Variants in CAPN13 observed in about 807,000 individuals in gnomAD.
The protein encoded by CAPN13 is calpain 13.
CAPN13 carries 90 observed loss-of-function variants against 98.4 expected under a neutral mutation model. The observed-to-expected ratio is 0.92, with a 90% CI of 0.77 to 1.09. The LOEUF (loss-of-function observed/expected upper bound fraction) is 1.09. Ranked by LOEUF, CAPN13 falls within the 50% of genes least tolerant of loss-of-function variation. The pLI, the probability that CAPN13 is intolerant of heterozygous loss-of-function variation, is 0.00. For synonymous variants in CAPN13, 330 were observed against 305.5 expected, an observed-to-expected ratio of 1.08 and a Z score of -0.84; for missense variants, 887 against 841.3, an observed-to-expected ratio of 1.05 and a Z score of -0.67.
At chr2:30,754,797 T>C (rs1404035375) in intron 8 of CAPN13, among the ~76,000 whole-genome samples, 1 of 152,180 alleles carries the variant, frequency 6.6e-6, no homozygotes, top group Non-Finnish European at 1.5e-5. Context: ...CTTACTTCCA[T>C]CCTTCCTGCT....
chr2:30,804,725 C>T (rs1349058789), intron 1 of CAPN13, among the ~76,000 whole-genome samples: 5 of 152,152 alleles, frequency 3.3e-5, no homozygotes, highest in African/African-American at 7.2e-5. Flanking sequence ...TTTGCATGGC[C>T]GTGGACTTCC....
Position 30,751,110 on chromosome 2 carries a change from A to G in CAPN13, c.1229T>C (p.Val410Ala). 1 of 1,613,640 alleles carries G rather than the reference A, an allele frequency of 6.2e-7. No homozygotes were observed. Reference protein sequence around the residue: ...EDAKFPLDFQVILAGSQRFRE... With the variant: ...EDAKFPLDFQAILAGSQRFRE... ...TGAAGCAGGCTGCCTTACCAGAATCACTTGGAAATCGAGTGGAAATTTTGC... is the reference window on the plus strand; with the variant it reads ...TGAAGCAGGCTGCCTTACCAGAATCGCTTGGAAATCGAGTGGAAATTTTGC... The change falls in exon 11 of 23, where the codon GTG becomes GCG. Residue 410 changes from valine to alanine, a missense_variant. Transcript: ENST00000295055.
chr2:30,739,556 T>C (rs1671549554), intron 15 of CAPN13, among the ~76,000 whole-genome samples: 1 of 152,114 alleles, frequency 6.6e-6, no homozygotes, highest in African/African-American at 2.4e-5. Flanking sequence ...CTGGGTTTTA[T>C]CAGGAAAGTT....
At chr2:30,768,789 T>C (rs1038273648) in intron 5 of CAPN13, among the ~76,000 whole-genome samples, 3 of 152,116 alleles carry the variant, frequency 2.0e-5, no homozygotes, top group African/African-American at 7.2e-5. Context: ...GTATGCGTTC[T>C]TGTGAAATGA....
At chr2:30,768,104 C>T (rs375592166) in intron 5 of CAPN13, among the ~76,000 whole-genome samples, 2 of 152,208 alleles carry the variant, frequency 1.3e-5, no homozygotes, top group East Asian at 3.9e-4. Flanking sequence ...CTTCCCTTGC[C>T]CCTTCACGGT....
At chr2:30,789,558 GC>G (rs1461754080) in intron 1 of CAPN13, among the ~76,000 whole-genome samples, 2 of 152,148 alleles carry the variant, frequency 1.3e-5, no homozygotes, top group African/African-American at 4.8e-5. Flanking sequence ...CATCTGGGGG[GC>G]CCCCACTGTG....
At chr2:30,806,921 C>T (rs1396785389) in intron 1 of CAPN13, among the ~76,000 whole-genome samples, 3 of 152,206 alleles carry the variant, frequency 2.0e-5, no homozygotes, top group Non-Finnish European at 4.4e-5. Context: ...AGAAACTACA[C>T]ATCAGTGCAC....
At chr2:30,793,040 G>A (rs1674681245) in intron 1 of CAPN13, among the ~76,000 whole-genome samples, 1 of 151,786 alleles carries the variant, frequency 6.6e-6, no homozygotes, top group South Asian at 2.1e-4. Context: ...AAAATTTACA[G>A]CTAACATAAT....
At chr2:30,734,313 T>C in intron 19 of CAPN13, 136 bp downstream of exon 19, 2 of 675,658 alleles carry the variant, frequency 3.0e-6, no homozygotes, top group Non-Finnish European at 5.3e-6. Flanking sequence ...CAGTGTGAAC[T>C]GGGGAGGACA....
intron 1 of CAPN13, among the ~76,000 whole-genome samples, chr2:30,803,410 C>A (rs1181744548): frequency 1.3e-5 from 2 of 152,146 alleles, no homozygotes; most frequent in Non-Finnish European, 2.9e-5. Flanking sequence ...AGGTGCTGGT[C>A]AGACCTGGTC....
intron 19 of CAPN13, among the ~76,000 whole-genome samples, chr2:30,733,647 A>G (rs1255507388): frequency 1.3e-5 from 2 of 152,066 alleles, no homozygotes; most frequent in Non-Finnish European, 2.9e-5. Context: ...CCAGTTCCAC[A>G]TTATGAAGCA....
chr2:30,736,656 T>C (rs569532340), intron 17 of CAPN13, 85 bp from the exon 18 acceptor site: 8 of 1,226,348 alleles, frequency 6.5e-6, no homozygotes, highest in Middle Eastern at 2.1e-4. Flanking sequence ...AGCAGGCCCA[T>C]TCATCACTAG....
intron 2 of CAPN13, among the ~76,000 whole-genome samples, chr2:30,784,526 G>A (rs1225452642): frequency 1.3e-5 from 2 of 152,204 alleles, no homozygotes; most frequent in Admixed American, 6.5e-5. Context: ...GGAAAAAAGG[G>A]CAGAACATAG....
At chr2:30,777,672 C>A in intron 2 of CAPN13, 33 bp from the exon 3 acceptor site, 1 of 1,491,862 alleles carries the variant, frequency 6.7e-7, no homozygotes, top group South Asian at 1.2e-5. Context: ...CTATGAACAT[C>A]GTTTATTCCT....
At position 30,736,585 on chromosome 2, in the gene CAPN13, TAAG is replaced by T; in HGVS notation, c.1654-17_1654-15del. 2 of 1,613,800 alleles carry T rather than the reference TAAG, an allele frequency of 1.2e-6. No individual in the cohort carries two copies. The highest frequency in any genetic ancestry group is 1.7e-6 in the Non-Finnish European group (2 of 1,179,766). ...ATTCACTTTCAGCTGGGTAAGGAGT[TAAG>T]AGTGAACCAGCCAGCGTGCAAGGTG... On this transcript the variant is annotated splice_polypyrimidine_tract_variant and intron_variant, in intron 17 of 22. Transcript: ENST00000295055.
Position 30,744,782 on chromosome 2 carries a change from A to C in CAPN13, c.1248+941T>G, listed in dbSNP as rs1410045769. Among the ~76,000 whole-genome samples the C allele has an allele frequency of 4.6e-5, 7 of 152,252 alleles. No individual in the cohort carries two copies. The East Asian group carries it at 1.2e-3, about 25-fold the overall frequency. ...AGAGTATCCAGCATCAACAAACCAC[A>C]CACCCAGGACTGGTCATGCACAGAC... On this transcript the variant is annotated intron_variant, in intron 12 of 22. Coordinates refer to ENST00000295055, the MANE Select transcript of CAPN13 (RefSeq NM_144575.3).
At chr2:30,786,734 G>T (rs993691518) in intron 2 of CAPN13, among the ~76,000 whole-genome samples, 7 of 152,010 alleles carry the variant, frequency 4.6e-5, no homozygotes, top group African/African-American at 1.7e-4. Context: ...TAACAGGGAA[G>T]GAAAAAAGAA....
chr2:30,755,365 T>TC (rs1391102441), intron 8 of CAPN13, among the ~76,000 whole-genome samples: 1 of 152,190 alleles, frequency 6.6e-6, no homozygotes. Context: ...ACCATGAGAT[T>TC]CCTGAGCCTG....
intron 6 of CAPN13, among the ~76,000 whole-genome samples, chr2:30,763,492 G>A (rs1024872966): frequency 6.6e-6 from 1 of 152,258 alleles, no homozygotes; most frequent in African/African-American, 2.4e-5. Flanking sequence ...GGAATCACTT[G>A]ACCCCCACAT....
Sources: gnomAD v4.1 joint callset for allele counts (sites outside exome capture counted in the v4.1 genomes callset) on GRCh38, gnomAD v4.1.1 for gene constraint, MANE v1.5 for transcripts, NCBI Gene and HGNC (gene_info 2026-07-23, HGNC 2026-07-21) for gene names.